KCNB2: variants seen among roughly 807,000 people sequenced by gnomAD.
KCNB2 encodes the protein potassium voltage-gated channel subfamily B member 2, also known as delayed rectifier potassium channel protein.
In KCNB2, 15 loss-of-function variants were observed where a neutral mutation model predicts 61.5. The observed-to-expected ratio is 0.24, with a 90% CI of 0.16 to 0.38. KCNB2 has a LOEUF of 0.38. Among genes scored for constraint, KCNB2 ranks in the 10% least tolerant of loss-of-function variants. KCNB2 has a pLI of 1.00. For missense variants in KCNB2, 828 were observed against 1,125.2 expected, an observed-to-expected ratio of 0.74 and a Z score of 3.78; for synonymous variants, 457 against 446.0, an observed-to-expected ratio of 1.02 and a Z score of -0.31.
At chr8:72,689,546 G>A (rs1276795132) in intron 2 of KCNB2, among the ~76,000 whole-genome samples, 1 of 152,098 alleles carries the variant, frequency 6.6e-6, no homozygotes, top group Admixed American at 6.5e-5. Flanking sequence ...TCCATTTGTG[G>A]TCACTCACTC....
chr8:72,717,842 A>C (rs923214968), intron 2 of KCNB2, among the ~76,000 whole-genome samples: 7 of 152,266 alleles, frequency 4.6e-5, no homozygotes, highest in African/African-American at 1.7e-4. Flanking sequence ...GAGTTTCTGC[A>C]CAGCAAAAGA....
At position 72,598,819 on chromosome 8, in the gene KCNB2, C is replaced by G. The variant is rs188520254; in HGVS notation, c.579+30506C>G. ...TTATACACCAATAAGAGACAGAGAG[C>G]CAAATCATGAGTGAACTCCCATTCA... is the stretch of plus-strand genomic sequence containing the variant. On this transcript the variant is annotated intron_variant, in intron 2 of 2. Coordinates refer to ENST00000523207, the MANE Select transcript of KCNB2 (RefSeq NM_004770.3). Among the ~76,000 whole-genome samples the G allele has an allele frequency of 5.7e-3, 868 of 152,108 alleles. 2 individuals are homozygous for G. The highest frequency in any genetic ancestry group is 0.02 in the African/African-American group (826 of 41,494).
chr8:72,772,605 A>T (rs2255618), intron 2 of KCNB2, among the ~76,000 whole-genome samples: 2,853 of 152,204 alleles, frequency 0.019, 56 homozygotes, highest in Non-Finnish European at 0.03. Flanking sequence ...AGACCTTCTT[A>T]TTCTTAAGCA....
intron 1 of KCNB2, among the ~76,000 whole-genome samples, chr8:72,540,198 G>T (rs1277973826): frequency 6.6e-6 from 1 of 152,044 alleles, no homozygotes; most frequent in African/African-American, 2.4e-5. Context: ...ATTTCATTCT[G>T]CCCTAATGCA....
chr8:72,847,253 C>T (rs866186999), intron 2 of KCNB2, among the ~76,000 whole-genome samples: 3 of 152,152 alleles, frequency 2.0e-5, no homozygotes, highest in South Asian at 2.1e-4. Context: ...AGGACACTTT[C>T]TCAGGAAGAG....
intron 2 of KCNB2, among the ~76,000 whole-genome samples, chr8:72,867,779 C>T (rs780711643): frequency 2.0e-5 from 3 of 152,166 alleles, no homozygotes; most frequent in Non-Finnish European, 4.4e-5. Flanking sequence ...TGACAGCAGC[C>T]CTATTTCAAA....
chr8:72,917,560 T>C (rs1230155268), intron 2 of KCNB2, among the ~76,000 whole-genome samples: 1 of 152,206 alleles, frequency 6.6e-6, no homozygotes, highest in African/African-American at 2.4e-5. Flanking sequence ...GTATGTGACA[T>C]GACATAGTAT....
At chr8:72,920,481 A>C (rs932834975) in intron 2 of KCNB2, among the ~76,000 whole-genome samples, 4 of 119,328 alleles carry the variant, frequency 3.4e-5, no homozygotes, top group African/African-American at 1.4e-4. Context: ...ATCTATATAT[A>C]TATATATTAG....
chr8:72,713,015 C>T (rs191024039), intron 2 of KCNB2, among the ~76,000 whole-genome samples: 1 of 152,210 alleles, frequency 6.6e-6, no homozygotes, highest in East Asian at 1.9e-4. Context: ...GAGATTATAT[C>T]CCACACATGG....
In KCNB2 at chr8:72,845,124, GT is replaced by G. The variant is rs533042775; in HGVS notation, c.580-90810del. Among the ~76,000 whole-genome samples, 228 of 152,240 alleles carry G rather than the reference GT, an allele frequency of 1.5e-3. 1 individual carries two copies. The highest frequency in any genetic ancestry group is 5.1e-3 in the African/African-American group (210 of 41,520). On this transcript the variant is annotated intron_variant, in intron 2 of 2. Transcript: ENST00000523207. Reference sequence around the variant, plus strand: ...CCGGTGACCTTTGGATGGGGTTTTTGTGTGGATGTCCCTTTTGTTGATGTTG... The same window carrying G: ...CCGGTGACCTTTGGATGGGGTTTTTGGTGGATGTCCCTTTTGTTGATGTTG...
chr8:72,869,165 G>C (rs770684409), intron 2 of KCNB2, among the ~76,000 whole-genome samples: 9 of 152,194 alleles, frequency 5.9e-5, no homozygotes, highest in South Asian at 2.1e-4. Context: ...TGAGTTACCT[G>C]CCTTGAGCTT....
chr8:72,885,306 A>G (rs927837286), intron 2 of KCNB2, among the ~76,000 whole-genome samples: 2 of 152,114 alleles, frequency 1.3e-5, no homozygotes, highest in South Asian at 4.1e-4. Flanking sequence ...GTTCACTTTT[A>G]GCTACTAGCC....
At chr8:72,927,122 A>G (rs1806666538) in intron 2 of KCNB2, among the ~76,000 whole-genome samples, 1 of 152,094 alleles carries the variant, frequency 6.6e-6, no homozygotes. Context: ...GTGCTGCTGG[A>G]GTGATGTGGT....
intron 2 of KCNB2, among the ~76,000 whole-genome samples, chr8:72,667,761 C>G (rs989919507): frequency 3.9e-5 from 6 of 152,210 alleles, no homozygotes; most frequent in African/African-American, 1.4e-4. Flanking sequence ...GCCTTCCCCA[C>G]ACAGAAATTA....
At chr8:72,736,120 T>C (rs1479957776) in intron 2 of KCNB2, among the ~76,000 whole-genome samples, 4 of 152,190 alleles carry the variant, frequency 2.6e-5, no homozygotes, top group Non-Finnish European at 4.4e-5. Flanking sequence ...CCTGAACTGA[T>C]GTGAGGCTAC....
chr8:72,747,816 A>T (rs1014655914), intron 2 of KCNB2, among the ~76,000 whole-genome samples: 4 of 152,210 alleles, frequency 2.6e-5, no homozygotes, highest in African/African-American at 9.6e-5. Context: ...TTGTCAACTT[A>T]CTGTAATATT....
At chr8:72,926,557 G>A (rs1806653356) in intron 2 of KCNB2, among the ~76,000 whole-genome samples, 1 of 151,982 alleles carries the variant, frequency 6.6e-6, no homozygotes, top group African/African-American at 2.4e-5. Context: ...TAGATATTAA[G>A]CCCAGCACCC....
chr8:72,680,963 A>G (rs1022482040), intron 2 of KCNB2, among the ~76,000 whole-genome samples: 10 of 152,312 alleles, frequency 6.6e-5, no homozygotes, highest in Admixed American at 1.3e-4. Flanking sequence ...TGTGCTCACA[A>G]TTGTATGCCC....
intron 2 of KCNB2, among the ~76,000 whole-genome samples, chr8:72,911,551 G>C (rs887263865): frequency 1.3e-5 from 2 of 152,330 alleles, no homozygotes; most frequent in East Asian, 1.9e-4. Context: ...GATCAAACTA[G>C]AGCCAGGTCC....
Sources: allele counts gnomAD v4.1 joint callset (sites outside exome capture counted in the v4.1 genomes callset), GRCh38; gene constraint gnomAD v4.1.1; transcripts MANE v1.5; gene names NCBI Gene and HGNC (gene_info 2026-07-23, HGNC 2026-07-21).